Variants in MYO5C observed in about 807,000 individuals in gnomAD.
The protein encoded by MYO5C is myosin VC, also known as unconventional myosin-Vc.
MYO5C carries 194 observed loss-of-function variants against 235.7 expected under a neutral mutation model. The observed-to-expected ratio is 0.82, with a 90% CI of 0.73 to 0.93. MYO5C has a LOEUF of 0.93. Among genes scored for constraint, MYO5C ranks in the 40% least tolerant of loss-of-function variants. The probability of loss-of-function intolerance (pLI) is 0.00; values close to 1 mark genes in which losing one functional copy is unlikely to be tolerated. For synonymous variants in MYO5C, 707 were observed against 754.8 expected (o/e 0.94, Z 1.04); for missense variants, 2,038 against 2,127.2 (o/e 0.96, Z 0.82).
intron 38 of MYO5C, among the ~76,000 whole-genome samples, chr15:52,197,006 T>C (rs894114990): frequency 1.3e-5 from 2 of 152,158 alleles, no homozygotes; most frequent in African/African-American, 4.8e-5. Flanking sequence ...CTGGGCACAA[T>C]GAGAGTGTTG....
At position 52,205,121 on chromosome 15, in the gene MYO5C, G is replaced by A. The variant is rs750097960; in HGVS notation, c.4564C>T (p.Leu1522=). Residue 1522 remains leucine (L), a synonymous_variant, in exon 38 of 41, where the codon CTG becomes TTG. Transcript: ENST00000261839. ...IVPGMLEYES[L]QGISGLKPTG... is the part of the protein sequence containing the mutation. ...GGCTTCAGGCCGGAAATGCCCTGCA[G>A]GCTCTCATACTCCAGCATTCCCGGA... is the stretch of plus-strand genomic sequence containing the variant. 1.2e-6 allele frequency: 2 copies of A among 1,614,072 alleles called. No individual in the cohort carries two copies. The highest frequency in any genetic ancestry group is 1.7e-5 in the Admixed American group (1 of 60,010).
Position 52,213,249 on chromosome 15 carries a change from G to C in MYO5C, c.4080C>G (p.Tyr1360Ter). Residue 1360 changes from tyrosine to a stop codon, truncating the protein, a stop_gained, in exon 34 of 41, where the codon TAC becomes TAG. Transcript: ENST00000261839. LOFTEE classifies it high-confidence loss of function. Reference sequence around the variant, plus strand: ...CTCTCTTGTATTGCAGCATTCCAAGGTACTCCTTGGGTCCTGAGGACGAGT... The same window carrying C: ...CTCTCTTGTATTGCAGCATTCCAAGCTACTCCTTGGGTCCTGAGGACGAGT... The part of the protein sequence containing the change: ...DVHSSSGPKE[Y>*]LGMLQYKRED... 1.2e-6 allele frequency: 2 copies of C among 1,614,032 alleles called. No individual in the cohort carries two copies. Among genetic ancestry groups the C allele is most frequent in the Non-Finnish European group, 1.7e-6 (2 of 1,179,940 alleles).
chr15:52,193,563 C>T lies in MYO5C; in HGVS notation c.*339G>A, dbSNP rs988818425. 1.0e-5 allele frequency: 2 copies of T among 200,436 alleles called. No individual in the cohort carries two copies. The highest frequency in any genetic ancestry group is 4.8e-5 in the African/African-American group (2 of 42,076). The allele number at this position is 200,436 out of a possible 1,614,324, so 12.4% of individuals were successfully genotyped here. A position where few individuals can be genotyped will look rare whatever the true frequency, so the allele number is the denominator to read the frequency against. ...AGAAAACTTGGAAGCCACTGTGTCCCCAGATCTCACTCCCTCCTGGTAGAG... is the reference window on the plus strand; with the variant it reads ...AGAAAACTTGGAAGCCACTGTGTCCTCAGATCTCACTCCCTCCTGGTAGAG... On this transcript the variant is annotated 3_prime_UTR_variant, in exon 41 of 41. Coordinates refer to ENST00000261839, the MANE Select transcript of MYO5C (RefSeq NM_018728.4).
intron 5 of MYO5C, among the ~76,000 whole-genome samples, chr15:52,273,173 A>G (rs2036963153): frequency 6.6e-6 from 1 of 152,152 alleles, no homozygotes; most frequent in Non-Finnish European, 1.5e-5. Context: ...TAAAAAAAAA[A>G]TTAGACAGGC....
chr15:52,227,863 G>T (rs968899983), intron 25 of MYO5C, among the ~76,000 whole-genome samples: 1 of 152,206 alleles, frequency 6.6e-6, no homozygotes, highest in African/African-American at 2.4e-5. Context: ...GCTAGTTCAT[G>T]ACAATTACAG....
At chr15:52,228,745 CTAA>C (rs2035885492) in intron 25 of MYO5C, among the ~76,000 whole-genome samples, 1 of 152,074 alleles carries the variant, frequency 6.6e-6, no homozygotes, top group South Asian at 2.1e-4. Context: ...AGTAAATTTT[CTAA>C]TAACAGTTTA....
intron 1 of MYO5C, among the ~76,000 whole-genome samples, chr15:52,286,277 GC>G (rs1294302784): frequency 2.0e-5 from 3 of 148,678 alleles, no homozygotes; most frequent in Non-Finnish European, 3.0e-5. Context: ...GTGGGGGTCA[GC>G]CCCCCGCCCG....
rs62623565 is a variant in MYO5C at position 52,229,186 on chromosome 15, C to T, written c.3154G>A (p.Val1052Ile). The change falls in exon 25 of 41, where the codon GTC becomes ATC. Residue 1052 changes from valine (V) to isoleucine (I), a missense_variant. Transcript: ENST00000261839. ...QLQHLVEGEH[V>I]TSDGLKAEVA... is the part of the protein sequence containing the mutation. ...TCCGCCTTCAAGCCATCAGAAGTGA[C>T]GTGCTCCCCCTCCACCAGGTGTTGG... 35,588 of 1,614,206 alleles carry T rather than the reference C, an allele frequency of 0.022. 1,166 individuals are homozygous for T. Among genetic ancestry groups the T allele is most frequent in the African/African-American group, 0.14 (10,181 of 75,042 alleles).
chr15:52,225,010 A>G lies in MYO5C; in HGVS notation c.3366-29T>C, dbSNP rs761553574. The G allele has an allele frequency of 7.4e-6, 12 of 1,613,326 alleles. 1 individual carries two copies. The African/African-American group carries it at 1.3e-4, about 18-fold the overall frequency. ...CAAAATAAGGAAGATAAGAAAATCTATCATCTCTGTCACGTTTTACATGTT... is the reference window on the plus strand; with the variant it reads ...CAAAATAAGGAAGATAAGAAAATCTGTCATCTCTGTCACGTTTTACATGTT... On this transcript the variant is annotated intron_variant, in intron 27 of 40. Coordinates refer to ENST00000261839, the MANE Select transcript of MYO5C (RefSeq NM_018728.4).
rs1239952552 is a variant in MYO5C, at chr15:52,237,652, G to C, written c.2704-6C>G. ...AGCCCATGGTTTTCTTTGTTCTAGA[G>C]AAAAGAAAATTCAGATGTTTAGAGG... On this transcript the variant is annotated splice_polypyrimidine_tract_variant and splice_region_variant and intron_variant, in intron 21 of 40. Coordinates refer to ENST00000261839, the MANE Select transcript of MYO5C (RefSeq NM_018728.4). The C allele has an allele frequency of 1.2e-6, 2 of 1,603,894 alleles. No homozygotes were observed. Among genetic ancestry groups the C allele is most frequent in the South Asian group, 2.2e-5 (2 of 89,004 alleles).
chr15:52,295,529 T>C, intron 1 of MYO5C, 81 bp downstream of exon 1: 3 of 1,463,240 alleles, frequency 2.1e-6, no homozygotes, highest in Non-Finnish European at 2.7e-6. Context: ...GTGGCAGGTG[T>C]GGCCCGGGCG....
intron 34 of MYO5C, 29 bp from the exon 35 acceptor site, chr15:52,211,913 C>T (rs1268492078): frequency 6.2e-7 from 1 of 1,606,602 alleles, no homozygotes; most frequent in Admixed American, 1.7e-5. Flanking sequence ...ATGAGGATTA[C>T]AGCTGACAGG....
chr15:52,255,471 G>A (rs2036561098), intron 11 of MYO5C, among the ~76,000 whole-genome samples: 1 of 152,228 alleles, frequency 6.6e-6, no homozygotes, highest in African/African-American at 2.4e-5. Flanking sequence ...GAAAATGTGA[G>A]TTAGTAAAGC....
chr15:52,274,506 T>C (rs118138104), intron 5 of MYO5C, among the ~76,000 whole-genome samples: 5,125 of 152,232 alleles, frequency 0.034, 128 homozygotes, highest in Middle Eastern at 0.071. Context: ...CTGGAACTTC[T>C]GAGCTCAAGC....
At chr15:52,255,579 T>C (rs543696492) in intron 11 of MYO5C, among the ~76,000 whole-genome samples, 3 of 152,340 alleles carry the variant, frequency 2.0e-5, no homozygotes, top group African/African-American at 4.8e-5. Flanking sequence ...GTAGGGCCAA[T>C]GTAGAAAGAT....
intron 8 of MYO5C, among the ~76,000 whole-genome samples, chr15:52,269,048 C>T (rs1417714342): frequency 6.6e-6 from 1 of 152,164 alleles, no homozygotes; most frequent in African/African-American, 2.4e-5. Flanking sequence ...ATTGCAAGCT[C>T]CAGATGAGTG....
chr15:52,229,568 G>A (rs2035905824), intron 24 of MYO5C, among the ~76,000 whole-genome samples: 1 of 152,198 alleles, frequency 6.6e-6, no homozygotes, highest in African/African-American at 2.4e-5. Flanking sequence ...AGGCTGCAGT[G>A]AGCTGAGATC....
intron 26 of MYO5C, 108 bp downstream of exon 26, chr15:52,225,331 C>T (rs2035796989): frequency 9.0e-7 from 1 of 1,110,880 alleles, no homozygotes; most frequent in Non-Finnish European, 1.4e-6. Flanking sequence ...AAGCAATCTA[C>T]CATATGTCCA....
At chr15:52,204,059 A>G (rs1055509600) in intron 38 of MYO5C, among the ~76,000 whole-genome samples, 5 of 152,196 alleles carry the variant, frequency 3.3e-5, no homozygotes, top group Admixed American at 3.3e-4. Flanking sequence ...GTGTTTTCCA[A>G]TCACTTGATC....
Sources: allele counts gnomAD v4.1 joint callset (sites outside exome capture counted in the v4.1 genomes callset), GRCh38; gene constraint gnomAD v4.1.1; transcripts MANE v1.5; gene names NCBI Gene and HGNC (gene_info 2026-07-23, HGNC 2026-07-21).